The following AKAP13 variants were observed in gnomAD, a reference collection of about 807,000 sequenced individuals.
The protein encoded by AKAP13 is A-kinase anchor protein 13.
In AKAP13, 80 loss-of-function variants were observed where a neutral mutation model predicts 264.5. The observed-to-expected ratio is 0.30, with a 90% CI of 0.25 to 0.36. AKAP13 has a LOEUF of 0.36. Ranked by LOEUF, AKAP13 falls within the 10% of genes least tolerant of loss-of-function variation. The pLI, the probability that AKAP13 is intolerant of heterozygous loss-of-function variation, is 1.00. For synonymous variants in AKAP13, 1,380 were observed against 1,250.2 expected (o/e 1.10, Z -2.19); for missense variants, 3,712 against 3,435.2 (o/e 1.08, Z -2.01).
intron 1 of AKAP13, among the ~76,000 whole-genome samples, chr15:85,413,708 G>A (rs1178600044): frequency 6.6e-6 from 1 of 152,172 alleles, no homozygotes; most frequent in Non-Finnish European, 1.5e-5. Flanking sequence ...ATCGCAGTGT[G>A]TTCTCAGGCC....
chr15:85,669,105 G>T (rs537762741), intron 13 of AKAP13, among the ~76,000 whole-genome samples: 10 of 152,102 alleles, frequency 6.6e-5, no homozygotes, highest in African/African-American at 2.4e-4. Flanking sequence ...GCGTGGTGGC[G>T]CGCACCTGTA....
At chr15:85,442,971 C>T (rs994548225) in intron 1 of AKAP13, among the ~76,000 whole-genome samples, 2 of 152,172 alleles carry the variant, frequency 1.3e-5, no homozygotes, top group Non-Finnish European at 2.9e-5. Flanking sequence ...TCTTCATCCT[C>T]CCTAACTCCC....
Position 85,580,811 on chromosome 15 carries a change from C to A in AKAP13, c.2743C>A (p.Leu915Met), listed in dbSNP as rs778757232. The A allele has an allele frequency of 1.1e-5, 18 of 1,614,084 alleles. No homozygotes were observed. In the Admixed American group the frequency reaches 2.7e-4, roughly 24 times the overall value. The change falls in exon 7 of 37, where the codon CTG becomes ATG. Residue 915 changes from leucine to methionine, a missense_variant. Leu to Met is a conservative substitution (Grantham distance 15). Transcript: ENST00000394518. Reference sequence around the variant, plus strand: ...AGTTTTGACTGAAGAAGGAAAACTTCTGGTGGTTTCAGAAAGCTCTGCAGC... The same window carrying A: ...AGTTTTGACTGAAGAAGGAAAACTTATGGTGGTTTCAGAAAGCTCTGCAGC... ...DSVLTEEGKLLVVSESSAAQE... is the reference protein window; with the variant it reads ...DSVLTEEGKLMVVSESSAAQE...
chr15:85,693,550 T>A, intron 17 of AKAP13, 99 bp downstream of exon 17: 1 of 1,536,166 alleles, frequency 6.5e-7, no homozygotes, highest in Non-Finnish European at 8.7e-7. Context: ...GTTCCTCATT[T>A]ATGTGGAGAA....
chr15:85,614,265 C>A (rs2080840167), intron 8 of AKAP13, among the ~76,000 whole-genome samples: 1 of 152,220 alleles, frequency 6.6e-6, no homozygotes, highest in South Asian at 2.1e-4. Flanking sequence ...GCACGACGGC[C>A]ATCTTTAAAT....
chr15:85,723,857 T>C (rs538394870), intron 26 of AKAP13, among the ~76,000 whole-genome samples: 2 of 152,362 alleles, frequency 1.3e-5, no homozygotes, highest in South Asian at 2.1e-4. Context: ...TATTCGTATA[T>C]CTTTAAAGCA....
intron 2 of AKAP13, among the ~76,000 whole-genome samples, chr15:85,488,703 G>A (rs1477218750): frequency 6.6e-6 from 1 of 152,174 alleles, no homozygotes; most frequent in East Asian, 1.9e-4. Flanking sequence ...GAACATGGAG[G>A]AAGGAGCCCA....
chr15:85,454,727 C>G (rs948249058), intron 1 of AKAP13, among the ~76,000 whole-genome samples: 4 of 152,098 alleles, frequency 2.6e-5, no homozygotes, highest in Non-Finnish European at 5.9e-5. Flanking sequence ...TTAGTATATC[C>G]AGAGAGTTGT....
intron 2 of AKAP13, among the ~76,000 whole-genome samples, chr15:85,490,927 G>C (rs143927759): frequency 1.3e-5 from 2 of 152,284 alleles, no homozygotes; most frequent in Admixed American, 6.5e-5. Context: ...GGTCAGGGAA[G>C]GCCTTTGAGG....
intron 1 of AKAP13, among the ~76,000 whole-genome samples, chr15:85,462,763 G>A (rs1411881239): frequency 6.6e-6 from 1 of 152,010 alleles, no homozygotes; most frequent in East Asian, 1.9e-4. Context: ...GGTGGCTCAC[G>A]CCTGTAATCC....
chr15:85,745,713 G>A lies in AKAP13; in HGVS notation c.*1036G>A, dbSNP rs1223098543. The A allele has an allele frequency of 6.6e-6, 1 of 152,330 alleles. No individual in the cohort carries two copies. The highest frequency in any genetic ancestry group is 1.5e-5 in the Non-Finnish European group (1 of 68,146). The allele number at this position is 152,330 out of a possible 1,614,324, so 9.4% of individuals were successfully genotyped here. On this transcript the variant is annotated 3_prime_UTR_variant, in exon 37 of 37. Coordinates refer to ENST00000394518, the MANE Select transcript of AKAP13 (RefSeq NM_007200.5). ...CGCACCCAGGCCAGGCAGAAGCTGT[G>A]CTCTGAAGCTAGGACAGCTGGCTGA...
intron 26 of AKAP13, among the ~76,000 whole-genome samples, chr15:85,725,381 T>TG (rs1281317175): frequency 6.6e-6 from 1 of 151,000 alleles, no homozygotes; most frequent in Non-Finnish European, 1.5e-5. Context: ...TCTGCTTTTT[T>TG]GGGGGGAGGG....
chr15:85,524,724 T>C (rs1427246447), intron 3 of AKAP13, among the ~76,000 whole-genome samples: 1 of 152,176 alleles, frequency 6.6e-6, no homozygotes, highest in Non-Finnish European at 1.5e-5. Context: ...AATAAATTGT[T>C]TTGACTTCGG....
intron 8 of AKAP13, 116 bp downstream of exon 8, chr15:85,585,939 C>G: frequency 7.3e-7 from 1 of 1,366,118 alleles, no homozygotes. Context: ...GTATTTTCCC[C>G]CTTCCCTCTT....
In AKAP13 at chr15:85,580,862, G is replaced by C. The variant is rs1254599762; in HGVS notation, c.2794G>C (p.Val932Leu). The C allele has an allele frequency of 6.2e-7, 1 of 1,614,154 alleles. No individual in the cohort carries two copies. The highest frequency in any genetic ancestry group is 1.1e-5 in the South Asian group (1 of 91,086). The change falls in exon 7 of 37, where the codon GTG becomes CTG. Residue 932 changes from valine (V) to leucine (L), a missense_variant. Coordinates refer to ENST00000394518, the MANE Select transcript of AKAP13 (RefSeq NM_007200.5). ...AAQEQDKDKA[V>L]TCSSIKENAL... Reference sequence around the variant, plus strand: ...TCAGGAACAAGATAAGGATAAAGCGGTGACCTGTTCCTCTATTAAGGAAAA... The same window carrying C: ...TCAGGAACAAGATAAGGATAAAGCGCTGACCTGTTCCTCTATTAAGGAAAA...
intron 10 of AKAP13, among the ~76,000 whole-genome samples, chr15:85,648,630 G>A (rs545130361): frequency 6.6e-6 from 1 of 152,198 alleles, no homozygotes; most frequent in Admixed American, 6.5e-5. Context: ...TTGAGTCAAG[G>A]AGTTTGAGAT....
chr15:85,494,208 C>G (rs899393614), intron 2 of AKAP13, among the ~76,000 whole-genome samples: 1 of 152,140 alleles, frequency 6.6e-6, no homozygotes, highest in Non-Finnish European at 1.5e-5. Flanking sequence ...ATCACCACTC[C>G]CACACTCTAA....
At chr15:85,451,073 C>G (rs1312306888) in intron 1 of AKAP13, among the ~76,000 whole-genome samples, 1 of 152,158 alleles carries the variant, frequency 6.6e-6, no homozygotes. Context: ...ATAGTTAGGT[C>G]TTCTTGTTGA....
At chr15:85,678,779 G>A (rs944568677) in intron 14 of AKAP13, among the ~76,000 whole-genome samples, 18 of 151,958 alleles carry the variant, frequency 1.2e-4, no homozygotes, top group Non-Finnish European at 2.5e-4. Flanking sequence ...TGAGGCAGGA[G>A]AATCACTTGA....
Sources: allele counts gnomAD v4.1 joint callset (sites outside exome capture counted in the v4.1 genomes callset), GRCh38; gene constraint gnomAD v4.1.1; transcripts MANE v1.5; gene names NCBI Gene and HGNC (gene_info 2026-07-23, HGNC 2026-07-21).